Variants in FRAS1 observed in about 807,000 individuals in gnomAD.
The protein encoded by FRAS1 is Fraser extracellular matrix complex subunit 1, also known as extracellular matrix organizing protein FRAS1.
Under a neutral mutation model 435.2 loss-of-function variants are expected in FRAS1, and 290 were observed. The ratio of observed to expected loss-of-function variants is 0.67; its 90% CI spans 0.61 to 0.73. FRAS1 has a LOEUF of 0.73. FRAS1 is among the 30% of genes least tolerant of loss of function. The pLI, the probability that FRAS1 is intolerant of heterozygous loss-of-function variation, is 0.00. For missense variants in FRAS1, 4,860 were observed against 5,001.5 expected, an observed-to-expected ratio of 0.97 and a Z score of 0.85; for synonymous variants, 1,800 against 1,851.0, an observed-to-expected ratio of 0.97 and a Z score of 0.71.
intron 52 of FRAS1, 49 bp downstream of exon 52, chr4:78,472,379 C>G: frequency 6.7e-7 from 1 of 1,484,434 alleles, no homozygotes. Flanking sequence ...ATGCTAATGT[C>G]ACACTGCCTA....
intron 20 of FRAS1, among the ~76,000 whole-genome samples, chr4:78,341,634 G>C (rs1730401739): frequency 1.3e-5 from 2 of 152,174 alleles, no homozygotes; most frequent in Admixed American, 1.3e-4. Context: ...TAACATAATA[G>C]AAGCAACAGA....
chr4:78,491,109 A>G (rs1720337729), intron 59 of FRAS1, among the ~76,000 whole-genome samples: 1 of 152,228 alleles, frequency 6.6e-6, no homozygotes, highest in African/African-American at 2.4e-5. Context: ...TAAACCGGGA[A>G]GAATTTGAAT....
intron 66 of FRAS1, among the ~76,000 whole-genome samples, chr4:78,517,146 G>A (rs1233781729): frequency 6.6e-6 from 1 of 152,038 alleles, no homozygotes; most frequent in African/African-American, 2.4e-5. Context: ...AATTATAGAG[G>A]GATTTACAGT....
At chr4:78,159,982 A>G (rs1435302501) in intron 2 of FRAS1, among the ~76,000 whole-genome samples, 1 of 152,204 alleles carries the variant, frequency 6.6e-6, no homozygotes, top group Non-Finnish European at 1.5e-5. Flanking sequence ...TTTTCCCTCC[A>G]TGGGAGAGAA....
At chr4:78,458,284 G>A (rs1719266457) in intron 47 of FRAS1, among the ~76,000 whole-genome samples, 2 of 152,174 alleles carry the variant, frequency 1.3e-5, no homozygotes, top group Admixed American at 1.3e-4. Flanking sequence ...AGAAATCACA[G>A]TACTAAGCCC....
chr4:78,259,989 C>G (rs1346198488), intron 6 of FRAS1, among the ~76,000 whole-genome samples: 3 of 152,040 alleles, frequency 2.0e-5, no homozygotes, highest in South Asian at 2.1e-4. Flanking sequence ...GCTTGTTTTT[C>G]TCAGGTTTGT....
intron 2 of FRAS1, among the ~76,000 whole-genome samples, chr4:78,161,192 G>T (rs983873687): frequency 2.0e-5 from 3 of 151,790 alleles, no homozygotes; most frequent in Non-Finnish European, 4.4e-5. Context: ...AAAGTAATAG[G>T]ATTATTTTAA....
At chr4:78,059,043 T>G (rs1468939297) in intron 1 of FRAS1, among the ~76,000 whole-genome samples, 1 of 152,156 alleles carries the variant, frequency 6.6e-6, no homozygotes, top group Non-Finnish European at 1.5e-5. Context: ...CCCTCCCGGC[T>G]CCATTCATTA....
intron 32 of FRAS1, among the ~76,000 whole-genome samples, chr4:78,418,392 T>A (rs1366837570): frequency 1.3e-5 from 2 of 152,144 alleles, no homozygotes; most frequent in Non-Finnish European, 2.9e-5. Flanking sequence ...TGGGGGACAA[T>A]GCTCTGAAGA....
chr4:78,088,172 T>C (rs985307568), intron 2 of FRAS1, among the ~76,000 whole-genome samples: 5 of 152,120 alleles, frequency 3.3e-5, no homozygotes, highest in African/African-American at 1.2e-4. Context: ...AAACAAGCAA[T>C]GGGGAAAGGA....
chr4:78,114,026 T>C (rs1417966822), intron 2 of FRAS1, among the ~76,000 whole-genome samples: 17 of 152,218 alleles, frequency 1.1e-4, no homozygotes, highest in Middle Eastern at 3.4e-3. Context: ...GGAAGGGATC[T>C]AGTTTCAGCT....
At chr4:78,105,919 G>T (rs1197783147) in intron 2 of FRAS1, among the ~76,000 whole-genome samples, 1 of 136,170 alleles carries the variant, frequency 7.3e-6, no homozygotes, top group East Asian at 2.0e-4. Context: ...AGCAGGGCAA[G>T]GCATTGCCCC....
chr4:78,481,693 C>G (rs1302745874), intron 56 of FRAS1, 111 bp from the exon 57 acceptor site: 1 of 1,228,450 alleles, frequency 8.1e-7, no homozygotes, highest in Admixed American at 1.7e-5. Flanking sequence ...TAGAAAAGCT[C>G]AAAGGGCTAA....
At chr4:78,535,575 C>T (rs551420357) in intron 71 of FRAS1, among the ~76,000 whole-genome samples, 14 of 152,172 alleles carry the variant, frequency 9.2e-5, no homozygotes, top group Non-Finnish European at 1.5e-4. Context: ...CTCAACTTCC[C>T]CTTCCTACAT....
At position 78,406,020 on chromosome 4, in the gene FRAS1, G is replaced by A. The variant is rs569469807; in HGVS notation, c.4130-1643G>A. Among the ~76,000 whole-genome samples, 5 of 152,358 alleles carry A rather than the reference G, an allele frequency of 3.3e-5. No individual in the cohort carries two copies. The South Asian group carries it at 6.2e-4, about 19-fold the overall frequency. ...CAGTACAAACAGATTGCTGGTGATG[G>A]TGGTGTTTAGATTTAGATTTCCTTG... is the stretch of plus-strand genomic sequence containing the variant. On this transcript the variant is annotated intron_variant, in intron 30 of 73. Coordinates refer to ENST00000512123, the MANE Select transcript of FRAS1 (RefSeq NM_025074.7).
chr4:78,158,311 T>C (rs529825229), intron 2 of FRAS1, among the ~76,000 whole-genome samples: 1 of 152,200 alleles, frequency 6.6e-6, no homozygotes, highest in Non-Finnish European at 1.5e-5. Context: ...AATCCATGAG[T>C]ATAAAATGTT....
intron 33 of FRAS1, among the ~76,000 whole-genome samples, chr4:78,420,994 G>A (rs1434928454): frequency 6.7e-6 from 1 of 149,272 alleles, no homozygotes; most frequent in Non-Finnish European, 1.5e-5. Context: ...TCTGCAAGCT[G>A]AGGAGCAAGG....
chr4:78,315,488 T>A, intron 15 of FRAS1, 106 bp from the exon 16 acceptor site: 1 of 1,168,894 alleles, frequency 8.6e-7, no homozygotes, highest in Non-Finnish European at 1.2e-6. Flanking sequence ...AGCCAGAAAA[T>A]GAGATTATGA....
chr4:78,073,523 A>G (rs1219029492), intron 2 of FRAS1, among the ~76,000 whole-genome samples: 1 of 152,144 alleles, frequency 6.6e-6, no homozygotes, highest in Non-Finnish European at 1.5e-5. Context: ...TTACAACTTG[A>G]TATTTTTATT....
Sources: gnomAD v4.1 joint callset for allele counts (sites outside exome capture counted in the v4.1 genomes callset) on GRCh38, gnomAD v4.1.1 for gene constraint, MANE v1.5 for transcripts, NCBI Gene and HGNC (gene_info 2026-07-23, HGNC 2026-07-21) for gene names.